The following ARID1B variants were observed in gnomAD, a reference collection of about 807,000 sequenced individuals.
The protein encoded by ARID1B is AT-rich interaction domain 1B.
ARID1B carries 30 observed loss-of-function variants against 212.3 expected under a neutral mutation model. The ratio of observed to expected loss-of-function variants is 0.14; its 90% CI spans 0.11 to 0.19. ARID1B has a LOEUF of 0.19. Ranked by LOEUF, ARID1B falls within the 10% of genes least tolerant of loss-of-function variation. ARID1B has a pLI of 1.00. For missense variants in ARID1B, 2,891 were observed against 3,204.0 expected (o/e 0.90, Z 2.36); for synonymous variants, 1,402 against 1,301.7 (o/e 1.08, Z -1.66).
At chr6:157,118,709 T>C (rs1482396295) in intron 6 of ARID1B, among the ~76,000 whole-genome samples, 1 of 152,240 alleles carries the variant, frequency 6.6e-6, no homozygotes, top group Non-Finnish European at 1.5e-5. Context: ...AGGACTTGTG[T>C]CAGGTTTATC....
chr6:157,117,807 C>T (rs1787420879), intron 6 of ARID1B, among the ~76,000 whole-genome samples: 1 of 152,208 alleles, frequency 6.6e-6, no homozygotes, highest in African/African-American at 2.4e-5. Flanking sequence ...CCTCTGAACT[C>T]ACTGTTAGTA....
intron 4 of ARID1B, among the ~76,000 whole-genome samples, chr6:157,021,908 C>T (rs954960085): frequency 6.6e-6 from 1 of 152,224 alleles, no homozygotes; most frequent in African/African-American, 2.4e-5. Flanking sequence ...GCCGCGCGCC[C>T]CTAACCTCTG....
chr6:156,948,168 TGTG>T (rs1793303082), intron 4 of ARID1B, among the ~76,000 whole-genome samples: 1 of 152,254 alleles, frequency 6.6e-6, no homozygotes, highest in Admixed American at 6.5e-5. Flanking sequence ...TAAATACAAA[TGTG>T]GTCAAATTTC....
intron 4 of ARID1B, among the ~76,000 whole-genome samples, chr6:157,015,920 A>G (rs897005324): frequency 2.6e-5 from 4 of 152,256 alleles, no homozygotes; most frequent in Admixed American, 2.6e-4. Context: ...ATTGCCTTCA[A>G]GACAGCAAAA....
chr6:156,953,631 C>G (rs547387684), intron 4 of ARID1B, among the ~76,000 whole-genome samples: 1 of 151,700 alleles, frequency 6.6e-6, no homozygotes, highest in African/African-American at 2.4e-5. Flanking sequence ...TGGTACCGTC[C>G]GCCTCATAAC....
At position 157,126,123 on chromosome 6, in the gene ARID1B, C is replaced by T. The variant is rs113968786; in HGVS notation, c.2582-6905C>T. Among the ~76,000 whole-genome samples, 13 of 152,216 alleles carry T rather than the reference C, an allele frequency of 8.5e-5. No homozygotes were observed. The East Asian group carries it at 1.2e-3, about 14-fold the overall frequency. On this transcript the variant is annotated intron_variant, in intron 6 of 19. Transcript: ENST00000636930. ...CAGTTTGATAGCTCAGATAGAACCC[C>T]GCGCAGTGACTAAAGGGCTCACAGA...
intron 4 of ARID1B, among the ~76,000 whole-genome samples, chr6:156,949,545 C>G (rs1417617282): frequency 6.6e-6 from 1 of 152,188 alleles, no homozygotes. Context: ...CCCTGAGATT[C>G]AGCATTCCTT....
Position 157,186,302 on chromosome 6 carries a change from C to T in ARID1B, c.3919+1867C>T, listed in dbSNP as rs560951682. ...TTTTATGGCAACATTATCATTTTAA[C>T]TACACAAAAGAGCTTGGATTGCAAA... On this transcript the variant is annotated intron_variant, in intron 13 of 19. Coordinates refer to ENST00000636930, the MANE Select transcript of ARID1B (RefSeq NM_001374828.1). 3 of 361,962 alleles carry T rather than the reference C, an allele frequency of 8.3e-6. No homozygotes were observed. The East Asian group carries it at 2.4e-4, about 29-fold the overall frequency. The allele number at this position is 361,962 out of a possible 1,614,324, so 22.4% of individuals were successfully genotyped here.
chr6:156,990,520 A>T (rs1232851012), intron 4 of ARID1B, among the ~76,000 whole-genome samples: 3 of 152,102 alleles, frequency 2.0e-5, no homozygotes, highest in Non-Finnish European at 4.4e-5. Context: ...ATGCGCCTGT[A>T]ATCCCAGCCA....
intron 4 of ARID1B, among the ~76,000 whole-genome samples, chr6:157,025,361 T>G (rs1403676306): frequency 6.6e-6 from 1 of 152,236 alleles, no homozygotes; most frequent in Non-Finnish European, 1.5e-5. Flanking sequence ...TGGATTACTA[T>G]GTTGAGAAAT....
chr6:157,039,674 C>T (rs184466733), intron 4 of ARID1B, among the ~76,000 whole-genome samples: 23 of 76,972 alleles, frequency 3.0e-4, no homozygotes, highest in African/African-American at 8.8e-4. Flanking sequence ...TCCTTCCTTC[C>T]TTCCTTCCTT....
intron 7 of ARID1B, 52 bp downstream of exon 7, chr6:157,133,259 T>G: frequency 6.6e-7 from 1 of 1,510,676 alleles, no homozygotes; most frequent in African/African-American, 1.4e-5. Context: ...AGAAATTTTC[T>G]TAATGTGCTA....
At chr6:157,010,858 T>A (rs1350202535) in intron 4 of ARID1B, among the ~76,000 whole-genome samples, 1 of 152,186 alleles carries the variant, frequency 6.6e-6, no homozygotes. Flanking sequence ...TATTTTTCCT[T>A]CTGTAGGAAA....
rs1168964155 is a variant in ARID1B at position 157,109,464 on chromosome 6, A to G, written c.2492-1008A>G. Among the ~76,000 whole-genome samples the G allele has an allele frequency of 2.0e-5, 3 of 152,186 alleles. No individual in the cohort carries two copies. The East Asian group carries it at 5.8e-4, about 29-fold the overall frequency. ...ATTTGTGTTTCCAATTTATTGAAGC[A>G]AAGAGGGAGGGTAGAAGATAAAATA... is the stretch of plus-strand genomic sequence containing the variant. On this transcript the variant is annotated intron_variant, in intron 5 of 19. Transcript: ENST00000636930.
Position 157,201,264 on chromosome 6 carries a change from C to G in ARID1B, c.5039C>G (p.Ala1680Gly), listed in dbSNP as rs758724418. ...PNHISRAPSP[A>G]SFQRSLENRM... ...CACATCTCCAGGGCGCCCAGCCCAG[C>G]GTCCTTCCAGCGCTCCCTGGAGAAC... is the stretch of plus-strand genomic sequence containing the variant. The change falls in exon 18 of 20, where the codon GCG (alanine) becomes GGG (glycine). Residue 1680 changes from alanine (A) to glycine (G), a missense_variant. Physicochemically the swap from Ala to Gly is moderately conservative, Grantham distance 60 (BLOSUM62 0). This residue lies in a region of ARID1B where 666 missense variants were observed against 873.5 expected (regional missense o/e 0.76). Coordinates refer to ENST00000636930, the MANE Select transcript of ARID1B (RefSeq NM_001374828.1). This position sits in a 1 kb window ranked among gnomAD's most constrained non-coding sequence, Gnocchi z 5.2. 1.2e-6 allele frequency: 2 copies of G among 1,613,996 alleles called. No individual in the cohort carries two copies. The highest frequency in any genetic ancestry group is 1.7e-6 in the Non-Finnish European group (2 of 1,180,038).
intron 8 of ARID1B, among the ~76,000 whole-genome samples, chr6:157,155,031 T>C (rs994183329): frequency 2.0e-5 from 3 of 152,198 alleles, no homozygotes; most frequent in Non-Finnish European, 4.4e-5. Flanking sequence ...ACCTCTTGCA[T>C]TGAAATCTGG....
At chr6:156,954,351 T>C (rs1793800981) in intron 4 of ARID1B, among the ~76,000 whole-genome samples, 2 of 152,202 alleles carry the variant, frequency 1.3e-5, no homozygotes, top group Admixed American at 1.3e-4. Flanking sequence ...TTGGACATTT[T>C]GAAAATGCTT....
At chr6:157,016,117 T>C (rs1779905460) in intron 4 of ARID1B, among the ~76,000 whole-genome samples, 1 of 152,252 alleles carries the variant, frequency 6.6e-6, no homozygotes, top group South Asian at 2.1e-4. Flanking sequence ...CAAATTACTA[T>C]TGGCTGCTAT....
chr6:156,987,055 G>A (rs1490611806), intron 4 of ARID1B, among the ~76,000 whole-genome samples: 1 of 151,836 alleles, frequency 6.6e-6, no homozygotes, highest in Admixed American at 6.6e-5. Context: ...TGGTGTGCCT[G>A]TCGTCGCAGC....
Sources: allele counts gnomAD v4.1 joint callset (sites outside exome capture counted in the v4.1 genomes callset), GRCh38; gene constraint gnomAD v4.1.1; regional missense constraint gnomAD v4.1.1; non-coding constraint Gnocchi (gnomAD v3.1); transcripts MANE v1.5; gene names NCBI Gene and HGNC (gene_info 2026-07-23, HGNC 2026-07-21).